EIF4B: variants seen among roughly 807,000 people sequenced by gnomAD.
EIF4B encodes the protein eukaryotic translation initiation factor 4B.
A neutral mutation model predicts 79.3 loss-of-function variants in EIF4B; 8 were observed. The ratio of observed to expected loss-of-function variants is 0.10; its 90% CI spans 0.06 to 0.18. The LOEUF (loss-of-function observed/expected upper bound fraction) is 0.18. EIF4B is among the 10% of genes least tolerant of loss of function. The probability of loss-of-function intolerance (pLI) is 1.00; values close to 1 mark genes in which losing one functional copy is unlikely to be tolerated. For missense variants in EIF4B, 515 were observed against 792.4 expected (o/e 0.65, Z 4.20); for synonymous variants, 238 against 274.7 (o/e 0.87, Z 1.32).
At chr12:53,037,799 G>A in intron 11 of EIF4B, 177 bp downstream of exon 11, 1 of 676,528 alleles carries the variant, frequency 1.5e-6, no homozygotes. Context: ...ATTTTCTGGA[G>A]TTCCACCACT....
At chr12:53,009,028 C>T (rs1048784080) in intron 1 of EIF4B, among the ~76,000 whole-genome samples, 4 of 151,976 alleles carry the variant, frequency 2.6e-5, no homozygotes, top group African/African-American at 4.8e-5. Context: ...GAGCAAGACT[C>T]CATTTCAAAA....
In EIF4B at chr12:53,034,689, C is replaced by A. The variant is rs1943507186; in HGVS notation, c.1286C>A (p.Thr429Asn). 6.2e-7 allele frequency: 1 copy of A among 1,613,882 alleles called. No homozygotes were observed. Among genetic ancestry groups the A allele is most frequent in the Non-Finnish European group, 8.5e-7 (1 of 1,179,910 alleles). Residue 429 changes from threonine (T) to asparagine (N), a missense_variant, in exon 10 of 15, where the codon ACC becomes AAC. By Grantham distance (65) the Thr-to-Asn change is moderately conservative (BLOSUM62 0). This residue lies in a region of EIF4B where 146 missense variants were observed against 228.0 expected (regional missense o/e 0.64). Coordinates refer to ENST00000262056, the MANE Select transcript of EIF4B (RefSeq NM_001417.7). ...RTGSESSQTG[T>N]STTSSRNARR... ...GGAAGTGAGTCATCACAAACTGGGA[C>A]CTCCACCACATCTAGCAGAAGTAAG...
chr12:53,027,782 A>T lies in EIF4B; in HGVS notation c.668A>T (p.Lys223Met), dbSNP rs1436869686. ...PRRGDDSFGD[K>M]YRDRYDSDRY... is the part of the protein sequence containing the mutation. ...GGTGTTACTTGTCTGTTTCCTCTAG[A>T]GTATCGAGATCGTTATGATTCAGAC... Residue 223 changes from lysine to methionine, a missense_variant and splice_region_variant, in exon 7 of 15, where the codon AAG becomes ATG. Physicochemically the swap from Lys to Met is moderately conservative, Grantham distance 95. Transcript: ENST00000262056. The T allele has an allele frequency of 1.5e-5, 24 of 1,612,648 alleles. No homozygotes were observed. Among genetic ancestry groups the T allele is most frequent in the Non-Finnish European group, 1.9e-5 (23 of 1,179,826 alleles).
chr12:53,011,166 C>T (rs1943058059), intron 1 of EIF4B, among the ~76,000 whole-genome samples: 1 of 152,050 alleles, frequency 6.6e-6, no homozygotes, highest in South Asian at 2.1e-4. Flanking sequence ...ACTTGGGAGG[C>T]TGCAGTGGGA....
chr12:53,018,728 G>A, intron 2 of EIF4B, 70 bp from the exon 3 acceptor site: 1 of 1,561,314 alleles, frequency 6.4e-7, no homozygotes, highest in Non-Finnish European at 8.8e-7. Context: ...AATTAACATG[G>A]GTCCTCTTGT....
chr12:53,037,290 TA>T (rs1408893160), intron 10 of EIF4B, 118 bp from the exon 11 acceptor site: 4 of 1,083,858 alleles, frequency 3.7e-6, no homozygotes, highest in Non-Finnish European at 5.3e-6. Context: ...GGTTTAGGGA[TA>T]AATCCATCTT....
intron 1 of EIF4B, among the ~76,000 whole-genome samples, chr12:53,008,426 CTG>C (rs1943005134): frequency 2.6e-5 from 4 of 152,190 alleles, no homozygotes; most frequent in Admixed American, 2.6e-4. Flanking sequence ...CTTGAGGAAT[CTG>C]GGGTTTATCG....
At chr12:53,039,468 A>T in intron 13 of EIF4B, 125 bp downstream of exon 13, 2 of 1,214,690 alleles carry the variant, frequency 1.6e-6, no homozygotes, top group East Asian at 2.6e-5. Flanking sequence ...CAGCCAACGT[A>T]GACAGTTAAG....
In EIF4B at chr12:53,040,694, T is replaced by C. The variant is rs529548070; in HGVS notation, c.*471T>C. On this transcript the variant is annotated 3_prime_UTR_variant, in exon 15 of 15. Transcript: ENST00000262056. ...AATAAATTTTCCACTCTTGGAAAGG[T>C]AGATTTAGCCTCAAGTTGTTCTAGT... 5 of 152,914 alleles carry C rather than the reference T, an allele frequency of 3.3e-5. No individual in the cohort carries two copies. Among genetic ancestry groups the C allele is most frequent in the Admixed American group, 1.3e-4 (2 of 15,362 alleles). 9.5% of individuals were successfully genotyped at this position (152,914 alleles called of 1,614,324 possible).
chr12:53,036,179 C>T (rs191485708), intron 10 of EIF4B, among the ~76,000 whole-genome samples: 1 of 151,756 alleles, frequency 6.6e-6, no homozygotes, highest in Non-Finnish European at 1.5e-5. Flanking sequence ...ATGGCATGAT[C>T]TCAGCACACT....
At chr12:53,027,136 A>ATTATTATTATTATTATT (rs777111413) in intron 6 of EIF4B, among the ~76,000 whole-genome samples, 3 of 29,444 alleles carry the variant, frequency 1.0e-4, no homozygotes, top group African/African-American at 1.8e-4. Flanking sequence ...AAAAAAAAAA[A>ATTATTATTATTATTATT]ATTTTTTTTT....
At chr12:53,022,453 T>TAA in intron 5 of EIF4B, 40 bp from the exon 6 acceptor site, 1 of 1,604,812 alleles carries the variant, frequency 6.2e-7, no homozygotes, top group Non-Finnish European at 8.5e-7. Flanking sequence ...GCAAAGTTTT[T>TAA]ATGAGATAAC....
At chr12:53,013,426 G>A (rs1402934022) in intron 1 of EIF4B, 1 of 152,210 alleles carries the variant, frequency 6.6e-6, no homozygotes. Flanking sequence ...TCTAAAATAA[G>A]CCCACGCACT....
intron 2 of EIF4B, among the ~76,000 whole-genome samples, chr12:53,017,000 C>T (rs1046301639): frequency 6.6e-5 from 10 of 152,140 alleles, no homozygotes; most frequent in Admixed American, 6.6e-4. Context: ...CACCTGTAAT[C>T]CCAGCACTTT....
In EIF4B at chr12:53,021,870, CTGGTA is replaced by C. The variant is rs778786406; in HGVS notation, c.532+11_532+15del. 1 of 1,614,148 alleles carries C rather than the reference CTGGTA, an allele frequency of 6.2e-7. No homozygotes were observed. The highest frequency in any genetic ancestry group is 2.2e-5 in the East Asian group (1 of 44,888). ...CAAGCACAGGATAAAGGTAAGGAAA[CTGGTA>C]GAGATTTCTGTTTGGTAATGGTCCC... On this transcript the variant is annotated intron_variant, in intron 5 of 14. Transcript: ENST00000262056.
At chr12:53,029,554 T>C (rs1943399202) in intron 8 of EIF4B, among the ~76,000 whole-genome samples, 1 of 152,068 alleles carries the variant, frequency 6.6e-6, no homozygotes, top group African/African-American at 2.4e-5. Flanking sequence ...TTTTGTAGTT[T>C]TAGTAGAGAC....
At chr12:53,026,048 C>G (rs1264867121) in intron 6 of EIF4B, among the ~76,000 whole-genome samples, 2 of 151,836 alleles carry the variant, frequency 1.3e-5, no homozygotes, top group Non-Finnish European at 2.9e-5. Flanking sequence ...GCAGTGAGCC[C>G]GCGATTGTGC....
intron 6 of EIF4B, among the ~76,000 whole-genome samples, chr12:53,027,137 A>ATTTTTTTTTTT (rs71095967): frequency 3.9e-5 from 1 of 25,746 alleles, no homozygotes; most frequent in African/African-American, 8.2e-5. Context: ...AAAAAAAAAA[A>ATTTTTTTTTTT]TTTTTTTTTT....
intron 8 of EIF4B, among the ~76,000 whole-genome samples, chr12:53,028,822 G>A (rs1013806472): frequency 6.6e-6 from 1 of 151,978 alleles, no homozygotes; most frequent in African/African-American, 2.4e-5. Context: ...TTGGTACTAT[G>A]GGGTTAAAAA....
Sources: allele counts gnomAD v4.1 joint callset (sites outside exome capture counted in the v4.1 genomes callset), GRCh38; gene constraint gnomAD v4.1.1; regional missense constraint gnomAD v4.1.1; transcripts MANE v1.5; gene names NCBI Gene and HGNC (gene_info 2026-07-23, HGNC 2026-07-21).